LRP1B: variants seen among roughly 807,000 people sequenced by gnomAD.
LRP1B encodes the protein low-density lipoprotein receptor-related protein 1B.
Under a neutral mutation model 556.6 loss-of-function variants are expected in LRP1B, and 217 were observed. The ratio of observed to expected loss-of-function variants is 0.39; its 90% CI spans 0.35 to 0.44. LRP1B has a LOEUF of 0.44. Among genes scored for constraint, LRP1B ranks in the 20% least tolerant of loss-of-function variants. LRP1B has a pLI of 1.00. For missense variants in LRP1B, 5,053 were observed against 5,620.8 expected, an observed-to-expected ratio of 0.90 and a Z score of 3.23; for synonymous variants, 2,047 against 1,865.8, an observed-to-expected ratio of 1.10 and a Z score of -2.50.
chr2:141,726,684 C>T (rs957164780), intron 2 of LRP1B, among the ~76,000 whole-genome samples: 2 of 152,044 alleles, frequency 1.3e-5, no homozygotes, highest in East Asian at 3.9e-4. Flanking sequence ...AGTCTGGTGG[C>T]TTATAAAAAA....
At chr2:140,251,395 A>C (rs903947218) in intron 86 of LRP1B, among the ~76,000 whole-genome samples, 1 of 151,918 alleles carries the variant, frequency 6.6e-6, no homozygotes, top group Admixed American at 6.6e-5. Context: ...CCTTCCCGTA[A>C]CAATGATCAA....
chr2:142,100,603 A>G (rs1416016256), intron 1 of LRP1B, among the ~76,000 whole-genome samples: 1 of 152,020 alleles, frequency 6.6e-6, no homozygotes, highest in Non-Finnish European at 1.5e-5. Flanking sequence ...GAAATAATGA[A>G]TGACTACAAT....
At chr2:140,720,319 C>T (rs1292171059) in intron 35 of LRP1B, among the ~76,000 whole-genome samples, 1 of 151,828 alleles carries the variant, frequency 6.6e-6, no homozygotes, top group Non-Finnish European at 1.5e-5. Context: ...AATATAATTA[C>T]AGGATTGTAA....
intron 1 of LRP1B, among the ~76,000 whole-genome samples, chr2:142,012,287 C>T (rs568252087): frequency 6.6e-6 from 1 of 152,064 alleles, no homozygotes; most frequent in African/African-American, 2.4e-5. Flanking sequence ...ACCACATATC[C>T]AGATGTCTGA....
At chr2:140,865,853 C>T (rs1405079548) in intron 27 of LRP1B, among the ~76,000 whole-genome samples, 1 of 151,940 alleles carries the variant, frequency 6.6e-6, no homozygotes, top group East Asian at 1.9e-4. Context: ...GGATGCCTCC[C>T]CCCACCAAAA....
intron 41 of LRP1B, among the ~76,000 whole-genome samples, chr2:140,619,306 T>C (rs1015886994): frequency 6.6e-6 from 1 of 152,216 alleles, no homozygotes; most frequent in African/African-American, 2.4e-5. Flanking sequence ...CTGTCCTGAA[T>C]ATGAACAGCT....
intron 63 of LRP1B, 132 bp from the exon 64 acceptor site, chr2:140,444,811 C>T (rs541719419): frequency 1.1e-5 from 7 of 618,768 alleles, no homozygotes; most frequent in South Asian, 2.1e-5. Flanking sequence ...TCTCTCATCT[C>T]GATAGCTATT....
chr2:140,507,102 G>T (rs1049380593), intron 52 of LRP1B, among the ~76,000 whole-genome samples, 184 bp from the exon 53 acceptor site: 5 of 152,092 alleles, frequency 3.3e-5, no homozygotes, highest in Admixed American at 1.3e-4. Flanking sequence ...ATATTAGAAT[G>T]TCTGAATATA....
At chr2:141,509,694 A>G (rs1322929949) in intron 2 of LRP1B, among the ~76,000 whole-genome samples, 4 of 152,202 alleles carry the variant, frequency 2.6e-5, no homozygotes, top group East Asian at 1.9e-4. Context: ...ACTGAGAAAT[A>G]TAAGTAACAG....
rs3063648 is a variant in LRP1B at position 140,929,756 on chromosome 2, T to TCACACACACACACACACACA, written c.3137-6629_3137-6610dup. On this transcript the variant is annotated intron_variant, in intron 20 of 90. Transcript: ENST00000389484. Reference sequence around the variant, plus strand: ...AAGTTTATACCACAGTCATATAGACTCACACACACACACACACACACACAC... The same window carrying TCACACACACACACACACACA: ...AAGTTTATACCACAGTCATATAGACTCACACACACACACACACACACACACACACACACACACACACACAC... Among the ~76,000 whole-genome samples the TCACACACACACACACACACA allele has an allele frequency of 8.6e-5, 12 of 139,322 alleles. No individual in the cohort carries two copies. The East Asian group carries it at 2.2e-3, about 25-fold the overall frequency. 91.4% of individuals were successfully genotyped at this position (139,322 alleles called of 152,430 possible).
At chr2:141,435,100 T>G (rs1371244171) in intron 3 of LRP1B, among the ~76,000 whole-genome samples, 1 of 152,220 alleles carries the variant, frequency 6.6e-6, no homozygotes, top group East Asian at 1.9e-4. Context: ...AGAATGCTCA[T>G]GATCTTACAA....
chr2:140,525,692 A>C, intron 49 of LRP1B, 152 bp downstream of exon 49: 1 of 643,058 alleles, frequency 1.6e-6, no homozygotes, highest in Non-Finnish European at 2.6e-6. Context: ...CGGTATGTTT[A>C]GAACAGGTTA....
At position 140,674,227 on chromosome 2, in the gene LRP1B, G is replaced by T. The variant is rs1390231713; in HGVS notation, c.6799+26023C>A. Among the ~76,000 whole-genome samples, 4 of 152,098 alleles carry T rather than the reference G, an allele frequency of 2.6e-5. No individual in the cohort carries two copies. The South Asian group carries it at 8.3e-4, about 32-fold the overall frequency. On this transcript the variant is annotated intron_variant, in intron 41 of 90. Coordinates refer to ENST00000389484, the MANE Select transcript of LRP1B (RefSeq NM_018557.3). ...GGCCTCCCAAAATGCTGAGATTACA[G>T]GCATGAACCACTGCCTGAAATATAT...
intron 2 of LRP1B, among the ~76,000 whole-genome samples, chr2:141,639,316 A>G (rs867016531): frequency 0.25 from 9,203 of 37,372 alleles, 888 homozygotes; most frequent in African/African-American, 0.3. Flanking sequence ...ATATATATAT[A>G]TATATATATA....
chr2:141,767,558 A>G (rs1694767685), intron 2 of LRP1B, among the ~76,000 whole-genome samples: 1 of 151,822 alleles, frequency 6.6e-6, no homozygotes, highest in African/African-American at 2.4e-5. Flanking sequence ...AGTACTTTCT[A>G]TCCTGCTCTT....
rs534065621 is a variant in LRP1B, at chr2:141,369,830, T to C, written c.343+110566A>G. On this transcript the variant is annotated intron_variant, in intron 3 of 90. Coordinates refer to ENST00000389484, the MANE Select transcript of LRP1B (RefSeq NM_018557.3). ...CCTTCCAAGTCACCATTGTCCATCA[T>C]TCCATACTCTGCTTCCATGTATACA... Among the ~76,000 whole-genome samples the C allele has an allele frequency of 3.3e-4, 50 of 152,284 alleles. 1 individual carries two copies. Among genetic ancestry groups the C allele is most frequent in the Admixed American group, 2.9e-3 (44 of 15,298 alleles).
intron 52 of LRP1B, among the ~76,000 whole-genome samples, chr2:140,509,420 C>T (rs969113539): frequency 1.3e-5 from 2 of 152,128 alleles, no homozygotes; most frequent in Admixed American, 6.5e-5. Flanking sequence ...CCTCTGATCC[C>T]TCAGCTTCAT....
At chr2:140,553,060 C>T (rs979292575) in intron 43 of LRP1B, among the ~76,000 whole-genome samples, 4 of 151,952 alleles carry the variant, frequency 2.6e-5, no homozygotes, top group Non-Finnish European at 5.9e-5. Flanking sequence ...TTAAACCAAA[C>T]GATTTAAAAA....
At chr2:140,658,431 TAAAC>T (rs1267996454) in intron 41 of LRP1B, among the ~76,000 whole-genome samples, 7 of 152,006 alleles carry the variant, frequency 4.6e-5, no homozygotes, top group African/African-American at 1.7e-4. Flanking sequence ...GGATAACAAT[TAAAC>T]AATCTTTGGC....
Sources: allele counts gnomAD v4.1 joint callset (sites outside exome capture counted in the v4.1 genomes callset), GRCh38; gene constraint gnomAD v4.1.1; transcripts MANE v1.5; gene names NCBI Gene and HGNC (gene_info 2026-07-23, HGNC 2026-07-21).